TRPM4: variants seen among roughly 807,000 people sequenced by gnomAD.
TRPM4 encodes transient receptor potential cation channel subfamily M member 4.
In TRPM4, 124 loss-of-function variants were observed where a neutral mutation model predicts 135.6. The observed-to-expected ratio is 0.91, with a 90% confidence interval of 0.79 to 1.06. TRPM4 has a LOEUF of 1.06. Ranked by LOEUF, TRPM4 falls within the 50% of genes least tolerant of loss-of-function variation. The pLI, the probability that TRPM4 is intolerant of heterozygous loss-of-function variation, is 0.00. For synonymous variants in TRPM4, 745 were observed against 705.6 expected (o/e 1.06, Z -0.88); for missense variants, 1,658 against 1,671.4 (o/e 0.99, Z 0.14).
At chr19:49,193,922 C>A (rs999491758) in intron 16 of TRPM4, among the ~76,000 whole-genome samples, 3 of 150,842 alleles carry the variant, frequency 2.0e-5, no homozygotes, top group Admixed American at 6.6e-5. Flanking sequence ...TCCTCCTTCT[C>A]CTCCTCCTCT....
At chr19:49,197,345 TTTCTTTC>T (rs1968717033) in intron 17 of TRPM4, among the ~76,000 whole-genome samples, 2 of 126,050 alleles carry the variant, frequency 1.6e-5, no homozygotes, top group African/African-American at 8.2e-5. Flanking sequence ...TCTTTCTTTC[TTTCTTTC>T]TTTCTTTCTT....
chr19:49,168,795 C>G, intron 6 of TRPM4, 59 bp downstream of exon 6: 1 of 1,517,658 alleles, frequency 6.6e-7, no homozygotes, highest in East Asian at 2.4e-5. Context: ...CCCCAGCGCT[C>G]AGGATCCCAG....
intron 2 of TRPM4, among the ~76,000 whole-genome samples, chr19:49,161,099 G>A (rs1194351885): frequency 6.6e-6 from 1 of 152,050 alleles, no homozygotes; most frequent in African/African-American, 2.4e-5. Flanking sequence ...CGAGGGGCAT[G>A]TGGGGACTGA....
chr19:49,196,493 G>A lies in TRPM4; in HGVS notation c.2264G>A (p.Arg755His), dbSNP rs751903628. The A allele has an allele frequency of 1.8e-5, 28 of 1,556,114 alleles. No homozygotes were observed. The South Asian group carries it at 2.4e-4, about 13-fold the overall frequency. The change falls in exon 17 of 25, where the codon CGT becomes CAT. Residue 755 changes from arginine (R) to histidine (H), a missense_variant. Arg to His is a conservative substitution (Grantham distance 29, BLOSUM62 0). Coordinates refer to ENST00000252826, the MANE Select transcript of TRPM4 (RefSeq NM_017636.4). ...TPLGVPRQSG[R>H]PGCCGGRCGG... ...CTGGGGGTCCCGCGCCAGTCGGGCC[G>A]TCCGGGTTGCTGCGGGGGCCGCTGC...
In TRPM4 at chr19:49,210,830, G is replaced by C; in HGVS notation, c.3449G>C (p.Arg1150Pro). 6.2e-7 allele frequency: 1 copy of C among 1,611,508 alleles called. No individual in the cohort carries two copies. The highest frequency in any genetic ancestry group is 8.5e-7 in the Non-Finnish European group (1 of 1,179,214). Residue 1150 changes from arginine to proline, a missense_variant, in exon 22 of 25, where the codon CGC (arginine) becomes CCC (proline). Physicochemically the swap from Arg to Pro is moderately radical, Grantham distance 103. Around this residue, in one of 3 missense-constraint regions of TRPM4, gnomAD observed 1,412 missense variants for 1,408.7 expected, o/e 1.00. Transcript: ENST00000252826. This position sits in a 1 kb window ranked among gnomAD's most constrained non-coding sequence, Gnocchi z 4.1. ...KRESDSERLK[R>P]TSQKVDLALK... ...GAGAGCGACTCCGAGCGTCTGAAGC[G>C]CACGTCCCAGAAGTGAGAGCGGGGC...
chr19:49,166,960 TTCTCTGGGTCTCTGTCCTTGTC>T (rs1967215934), intron 3 of TRPM4, among the ~76,000 whole-genome samples: 1 of 130,434 alleles, frequency 7.7e-6, no homozygotes, highest in African/African-American at 2.9e-5. Context: ...GTTTCCCCTT[TTCTCTGGGTCTCTGTCCTTGTC>T]TCTCTGGGTC....
Position 49,205,526 on chromosome 19 carries a change from C to CTT in TRPM4, c.3131+3410_3131+3411dup, listed in dbSNP as rs576873516. On this transcript the variant is annotated intron_variant, in intron 20 of 24. Transcript: ENST00000252826. ...GAGGCACTATGGGTTATGACTTCAACTTTTTTTTTTTTTTTTTTTTTTTTT... is the reference window on the plus strand; with the variant it reads ...GAGGCACTATGGGTTATGACTTCAACTTTTTTTTTTTTTTTTTTTTTTTTTTT... 6.6e-4 allele frequency among the ~76,000 whole-genome samples: 84 copies of CTT among 126,976 alleles called. 1 individual carries two copies. Among genetic ancestry groups the CTT allele is most frequent in the Non-Finnish European group, 7.9e-4 (47 of 59,364 alleles). 83.3% of individuals were successfully genotyped at this position (126,976 alleles called of 152,430 possible). A position where few individuals can be genotyped will look rare whatever the true frequency, so the allele number is the denominator to read the frequency against.
chr19:49,172,394 T>A (rs908901788), intron 9 of TRPM4, among the ~76,000 whole-genome samples: 1 of 152,154 alleles, frequency 6.6e-6, no homozygotes, highest in African/African-American at 2.4e-5. Flanking sequence ...TTACCTACCA[T>A]CCTTCCAGTC....
At position 49,210,839 on chromosome 19, in the gene TRPM4, A is replaced by C. The variant is rs373492164; in HGVS notation, c.3458A>C (p.Gln1153Pro). The C allele has an allele frequency of 3.7e-6, 6 of 1,610,402 alleles. No individual in the cohort carries two copies. In the African/African-American group the frequency reaches 8.0e-5, roughly 21 times the overall value. Residue 1153 changes from glutamine to proline, a missense_variant, in exon 22 of 25, where the codon CAG (glutamine) becomes CCG (proline). Around this residue, in one of 3 missense-constraint regions of TRPM4, gnomAD observed 1,412 missense variants for 1,408.7 expected, o/e 1.00. Transcript: ENST00000252826. The surrounding 1 kb of genome is among the most constrained non-coding windows in gnomAD (Gnocchi z 4.1). ...TCCGAGCGTCTGAAGCGCACGTCCC[A>C]GAAGTGAGAGCGGGGCCTGGTCGGG... is the stretch of plus-strand genomic sequence containing the variant. ...SDSERLKRTS[Q>P]KVDLALKQLG...
intron 20 of TRPM4, among the ~76,000 whole-genome samples, chr19:49,203,403 T>A (rs908792297): frequency 6.6e-5 from 10 of 151,866 alleles, no homozygotes; most frequent in Admixed American, 1.3e-4. Context: ...ATGGTTTCGA[T>A]CTCCTGACCT....
intron 9 of TRPM4, among the ~76,000 whole-genome samples, chr19:49,179,727 G>A (rs960740038): frequency 3.9e-5 from 6 of 152,166 alleles, no homozygotes; most frequent in Admixed American, 2.6e-4. Flanking sequence ...TCATAGAATC[G>A]TAGAAAGTCG....
rs777305031 is a variant in TRPM4, at chr19:49,168,095, C to T, written c.446C>T (p.Thr149Ile). The change falls in exon 4 of 25, where the codon ACA becomes ATA. Residue 149 changes from threonine to isoleucine, a missense_variant and splice_region_variant. This residue lies in a region of TRPM4 where 239 missense variants were observed against 240.1 expected (regional missense o/e 1.00). Transcript: ENST00000252826. ...RRGLVRAAQSTGAWIVTGGLH... is the reference protein window; with the variant it reads ...RRGLVRAAQSIGAWIVTGGLH... ...GGGCTGGTGCGGGCTGCCCAGAGCA[C>T]AGGTGACCGAGGGTGGGTGGGGGCT... 1.9e-6 allele frequency: 3 copies of T among 1,602,942 alleles called. No individual in the cohort carries two copies. Among genetic ancestry groups the T allele is most frequent in the South Asian group, 1.1e-5 (1 of 90,876 alleles).
chr19:49,161,135 C>T (rs1303357487), intron 2 of TRPM4, among the ~76,000 whole-genome samples: 2 of 151,842 alleles, frequency 1.3e-5, no homozygotes, highest in Non-Finnish European at 2.9e-5. Context: ...GGACTAATGT[C>T]CAGAATCTGA....
intron 2 of TRPM4, among the ~76,000 whole-genome samples, chr19:49,161,323 CTTT>C (rs67808134): frequency 0.023 from 2,358 of 101,094 alleles, 48 homozygotes; most frequent in African/African-American, 0.073. Flanking sequence ...GTCTCTCTCT[CTTT>C]TTTTTTTTTT....
chr19:49,188,729 G>A lies in TRPM4; in HGVS notation c.1832G>A (p.Arg611Gln), dbSNP rs761147821. ...RLEPDAEEAA[R>Q]RKDLAFKFEG... ...GAGCCTGACGCTGAGGAGGCAGCAC[G>A]GAGGAAAGACCTGGCGTTCAAGTTT... The change falls in exon 13 of 25, where the codon CGG (arginine) becomes CAG (glutamine). Residue 611 changes from arginine to glutamine, a missense_variant. Transcript: ENST00000252826. 1.2e-6 allele frequency: 2 copies of A among 1,614,122 alleles called. No individual in the cohort carries two copies. The highest frequency in any genetic ancestry group is 2.2e-5 in the East Asian group (1 of 44,898).
In TRPM4 at chr19:49,202,018, C is replaced by A; in HGVS notation, c.3008C>A (p.Pro1003His). ...CSSEPGFWAHPPGAQAGTCVS... is the reference protein window; with the variant it reads ...CSSEPGFWAHHPGAQAGTCVS... ...TCGGAGCCCGGCTTCTGGGCACACC[C>A]TCCTGGGGCCCAGGCGGGCACCTGC... Residue 1003 changes from proline to histidine, a missense_variant, in exon 20 of 25, where the codon CCT (proline) becomes CAT (histidine). By Grantham distance (77) the Pro-to-His change is moderately conservative (BLOSUM62 -2). Around this residue, in one of 3 missense-constraint regions of TRPM4, gnomAD observed 1,412 missense variants for 1,408.7 expected, o/e 1.00. Transcript: ENST00000252826. 6.2e-7 allele frequency: 1 copy of A among 1,613,740 alleles called. No homozygotes were observed. Among genetic ancestry groups the A allele is most frequent in the Non-Finnish European group, 8.5e-7 (1 of 1,180,042 alleles).
At chr19:49,159,783 C>T (rs1444543970) in intron 2 of TRPM4, 2 of 152,210 alleles carry the variant, frequency 1.3e-5, no homozygotes, top group African/African-American at 2.4e-5. Context: ...GCGCCCAGCC[C>T]TCTAGTTGTT....
At position 49,181,296 on chromosome 19, in the gene TRPM4, C is replaced by T; in HGVS notation, c.1151-53C>T. Reference sequence around the variant, plus strand: ...AAATAGAGGCAAAATAGACATTCAGCAGATGTCCCTCCTCCCCTGACTTCT... The same window carrying T: ...AAATAGAGGCAAAATAGACATTCAGTAGATGTCCCTCCTCCCCTGACTTCT... On this transcript the variant is annotated intron_variant, in intron 9 of 24. Transcript: ENST00000252826. The T allele has an allele frequency of 1.9e-5, 25 of 1,324,468 alleles. 1 individual carries two copies. Among genetic ancestry groups the T allele is most frequent in the South Asian group, 1.9e-4 (16 of 85,144 alleles). 82.0% of individuals were successfully genotyped at this position (1,324,468 alleles called of 1,614,324 possible). A position where few individuals can be genotyped will look rare whatever the true frequency, so the allele number is the denominator to read the frequency against.
At chr19:49,162,562 AAAC>A (rs1967006319) in intron 2 of TRPM4, among the ~76,000 whole-genome samples, 2 of 150,566 alleles carry the variant, frequency 1.3e-5, no homozygotes, top group Non-Finnish European at 3.0e-5. Flanking sequence ...ACAAACAAAC[AAAC>A]AAAAAAACAA....
Sources: allele counts gnomAD v4.1 joint callset (sites outside exome capture counted in the v4.1 genomes callset), GRCh38; gene constraint gnomAD v4.1.1; regional missense constraint gnomAD v4.1.1; non-coding constraint Gnocchi (gnomAD v3.1); transcripts MANE v1.5; gene names NCBI Gene and HGNC (gene_info 2026-07-23, HGNC 2026-07-21).